GRM1: variants seen among roughly 807,000 people sequenced by gnomAD.
GRM1 encodes metabotropic glutamate receptor 1.
Under a neutral mutation model 90.9 loss-of-function variants are expected in GRM1, and 33 were observed. The ratio of observed to expected loss-of-function variants is 0.36; its 90% confidence interval spans 0.28 to 0.49. The LOEUF is 0.49. Ranked by LOEUF, GRM1 falls within the 20% of genes least tolerant of loss-of-function variation. The probability of loss-of-function intolerance (pLI) is 0.99; values close to 1 mark genes in which losing one functional copy is unlikely to be tolerated. For missense variants in GRM1, 1,190 were observed against 1,534.3 expected (o/e 0.78, Z 3.75); for synonymous variants, 700 against 613.2 (o/e 1.14, Z -2.09).
At chr6:146,312,414 A>T (rs1295549069) in intron 3 of GRM1, among the ~76,000 whole-genome samples, 3 of 151,388 alleles carry the variant, frequency 2.0e-5, no homozygotes, top group South Asian at 2.1e-4. Flanking sequence ...ATTGAGACAA[A>T]TTTTTTGATA....
At chr6:146,068,114 A>ATTTT (rs34212976) in intron 1 of GRM1, among the ~76,000 whole-genome samples, 4 of 146,040 alleles carry the variant, frequency 2.7e-5, no homozygotes, top group Non-Finnish European at 4.5e-5. Context: ...CCTTCAAATA[A>ATTTT]TTTTTTTTTT....
At chr6:146,135,559 C>T (rs1776587618) in intron 1 of GRM1, among the ~76,000 whole-genome samples, 1 of 152,176 alleles carries the variant, frequency 6.6e-6, no homozygotes, top group Non-Finnish European at 1.5e-5. Context: ...AACACTGTAA[C>T]CCAGGGCAGT....
intron 1 of GRM1, among the ~76,000 whole-genome samples, chr6:146,076,204 G>C (rs896027258): frequency 6.6e-6 from 1 of 152,190 alleles, no homozygotes; most frequent in African/African-American, 2.4e-5. Context: ...CGAATAGACG[G>C]CATGAAGTCT....
chr6:146,371,833 A>G (rs1775913156), intron 5 of GRM1, among the ~76,000 whole-genome samples: 1 of 152,116 alleles, frequency 6.6e-6, no homozygotes, highest in African/African-American at 2.4e-5. Flanking sequence ...TCCATTGTGT[A>G]TATGCATTAC....
intron 1 of GRM1, among the ~76,000 whole-genome samples, chr6:146,122,184 T>C (rs1306320995): frequency 6.6e-6 from 1 of 152,196 alleles, no homozygotes; most frequent in African/African-American, 2.4e-5. Flanking sequence ...ATAAAAATCT[T>C]TTTCCACCGG....
chr6:146,321,067 G>A (rs568999835), intron 3 of GRM1, among the ~76,000 whole-genome samples: 1 of 151,986 alleles, frequency 6.6e-6, no homozygotes, highest in Non-Finnish European at 1.5e-5. Flanking sequence ...TGATGTTACG[G>A]TATTGATTTT....
intron 5 of GRM1, among the ~76,000 whole-genome samples, chr6:146,358,782 G>A (rs1472809745): frequency 6.6e-6 from 1 of 152,194 alleles, no homozygotes; most frequent in Non-Finnish European, 1.5e-5. Context: ...CCAGCTTTTG[G>A]CAGCTGAGAA....
chr6:146,417,439 A>C (rs555260819), intron 7 of GRM1, among the ~76,000 whole-genome samples: 1 of 152,304 alleles, frequency 6.6e-6, no homozygotes, highest in Admixed American at 6.5e-5. Flanking sequence ...ATGTTAGAAA[A>C]CCAATACCTT....
chr6:146,082,362 G>A (rs1776392139), intron 1 of GRM1, among the ~76,000 whole-genome samples: 1 of 152,074 alleles, frequency 6.6e-6, no homozygotes, highest in African/African-American at 2.4e-5. Context: ...CACCATATTG[G>A]TGAGGCTGGT....
chr6:146,224,583 A>T (rs549555681), intron 2 of GRM1, among the ~76,000 whole-genome samples: 1 of 152,180 alleles, frequency 6.6e-6, no homozygotes, highest in Non-Finnish European at 1.5e-5. Context: ...TTAGATAATG[A>T]AAAGTCCTAC....
intron 1 of GRM1, among the ~76,000 whole-genome samples, chr6:146,135,632 A>ATT (rs1352004206): frequency 6.6e-6 from 1 of 152,176 alleles, no homozygotes; most frequent in Non-Finnish European, 1.5e-5. Context: ...TAGGTTTCCA[A>ATT]GGGCTTTTAT....
intron 3 of GRM1, among the ~76,000 whole-genome samples, chr6:146,313,054 T>C (rs1321564604): frequency 1.3e-5 from 2 of 152,250 alleles, no homozygotes; most frequent in African/African-American, 2.4e-5. Flanking sequence ...TATATTCATC[T>C]TGATTTGTTT....
At chr6:146,412,347 C>T (rs566497357) in intron 7 of GRM1, among the ~76,000 whole-genome samples, 13 of 152,168 alleles carry the variant, frequency 8.5e-5, no homozygotes, top group South Asian at 4.2e-4. Flanking sequence ...ACAGCAAGAC[C>T]GAGAGCCAGA....
chr6:146,382,834 C>G (rs1038474093), intron 5 of GRM1, among the ~76,000 whole-genome samples: 1 of 152,122 alleles, frequency 6.6e-6, no homozygotes, highest in South Asian at 2.1e-4. Context: ...GCCTTGATGA[C>G]TATGCTGTGA....
intron 2 of GRM1, among the ~76,000 whole-genome samples, chr6:146,276,485 A>G (rs945936611): frequency 5.9e-5 from 9 of 152,190 alleles, no homozygotes; most frequent in African/African-American, 9.6e-5. Flanking sequence ...ATTATAGAAC[A>G]TAATTATTCC....
chr6:146,162,848 TAA>T (rs1285825732), intron 2 of GRM1, among the ~76,000 whole-genome samples: 4 of 152,024 alleles, frequency 2.6e-5, no homozygotes, highest in Non-Finnish European at 2.9e-5. Context: ...AAACGTGGAC[TAA>T]GAGTTCTAGC....
intron 5 of GRM1, chr6:146,365,562 ATTT>A (rs1775647241): frequency 6.6e-6 from 1 of 152,188 alleles, no homozygotes; most frequent in African/African-American, 2.4e-5. Context: ...GCCACATTTG[ATTT>A]TTTAAGTAGA....
chr6:146,194,212 T>A lies in GRM1; in HGVS notation c.950+34615T>A, dbSNP rs150905186. Reference sequence around the variant, plus strand: ...CACTTGCCTACTCATATCTTCTTTGTCCAGTTTCCTGCTATCTCCATTGAA... The same window carrying A: ...CACTTGCCTACTCATATCTTCTTTGACCAGTTTCCTGCTATCTCCATTGAA... On this transcript the variant is annotated intron_variant, in intron 2 of 7. Coordinates refer to ENST00000282753, the MANE Select transcript of GRM1 (RefSeq NM_001278064.2). 1.8e-3 allele frequency among the ~76,000 whole-genome samples: 271 copies of A among 152,280 alleles called. 1 individual carries two copies. Among genetic ancestry groups the A allele is most frequent in the African/African-American group, 6.2e-3 (259 of 41,560 alleles).
At chr6:146,030,290 G>C in intron 1 of GRM1, 73 bp downstream of exon 1, 1 of 1,055,420 alleles carries the variant, frequency 9.5e-7, no homozygotes, top group Non-Finnish European at 1.5e-6. Flanking sequence ...TGGGATCATA[G>C]TATTGTTCCT....
Sources: allele counts gnomAD v4.1 joint callset (sites outside exome capture counted in the v4.1 genomes callset), GRCh38; gene constraint gnomAD v4.1.1; transcripts MANE v1.5; gene names NCBI Gene and HGNC (gene_info 2026-07-23, HGNC 2026-07-21).